Variants in SHISA9 observed in about 807,000 individuals in gnomAD.
The protein encoded by SHISA9 is protein shisa-9.
Under a neutral mutation model 38.0 loss-of-function variants are expected in SHISA9, and 13 were observed. That is an observed-to-expected ratio of 0.34 (90% confidence interval 0.22 to 0.54). SHISA9 has a LOEUF of 0.54. Among genes scored for constraint, SHISA9 ranks in the 20% least tolerant of loss-of-function variants. The pLI is 0.91. For missense variants in SHISA9, 538 were observed against 575.8 expected, an observed-to-expected ratio of 0.93 and a Z score of 0.67; for synonymous variants, 275 against 242.0, an observed-to-expected ratio of 1.14 and a Z score of -1.27.
chr16:13,061,151 G>A (rs547634869), intron 2 of SHISA9, among the ~76,000 whole-genome samples: 1 of 152,186 alleles, frequency 6.6e-6, no homozygotes, highest in Non-Finnish European at 1.5e-5. Context: ...ACACAGGAAT[G>A]CTTTTTCAGG....
chr16:13,468,198 GA>G, the SHISA9 span, among the ~76,000 whole-genome samples: 1 of 152,132 alleles, frequency 6.6e-6, no homozygotes, highest in Non-Finnish European at 1.5e-5. Context: ...TTTAAAGGGG[GA>G]AAAATAGATC....
At chr16:13,445,082 G>A in the SHISA9 span, among the ~76,000 whole-genome samples, 13 of 147,342 alleles carry the variant, frequency 8.8e-5, no homozygotes, top group Non-Finnish European at 1.5e-4. Flanking sequence ...GGCTGGTCTC[G>A]AACTCCTGAG....
chr16:12,947,132 T>C (rs773272472), intron 2 of SHISA9, among the ~76,000 whole-genome samples: 2 of 152,170 alleles, frequency 1.3e-5, no homozygotes, highest in Non-Finnish European at 2.9e-5. Flanking sequence ...TACTCTGGGA[T>C]GTGGGGAAAT....
the SHISA9 span, among the ~76,000 whole-genome samples, chr16:13,324,472 A>T: frequency 6.6e-6 from 1 of 152,116 alleles, no homozygotes; most frequent in African/African-American, 2.4e-5. Flanking sequence ...CTCTAGATTA[A>T]GGCAGAGTGG....
chr16:13,486,799 G>T, the SHISA9 span, among the ~76,000 whole-genome samples: 4 of 152,192 alleles, frequency 2.6e-5, no homozygotes, highest in African/African-American at 9.7e-5. Context: ...CCATCTCCCA[G>T]GTTCAAGTGA....
chr16:13,342,145 A>C, the SHISA9 span, among the ~76,000 whole-genome samples: 1 of 152,170 alleles, frequency 6.6e-6, no homozygotes, highest in South Asian at 2.1e-4. Flanking sequence ...CCCTGATTAC[A>C]TGCTTACCCC....
At chr16:13,257,640 G>A in the SHISA9 span, among the ~76,000 whole-genome samples, 3 of 152,112 alleles carry the variant, frequency 2.0e-5, no homozygotes, top group African/African-American at 7.2e-5. Flanking sequence ...TTTAAATACC[G>A]TGGTTCTAAG....
chr16:13,453,299 T>C, the SHISA9 span, among the ~76,000 whole-genome samples: 1 of 152,362 alleles, frequency 6.6e-6, no homozygotes, highest in East Asian at 1.9e-4. Flanking sequence ...GATACATTGA[T>C]TGCATTCATG....
chr16:13,070,123 C>CGT (rs55824636), intron 2 of SHISA9, among the ~76,000 whole-genome samples: 305 of 145,800 alleles, frequency 2.1e-3, no homozygotes, highest in East Asian at 0.018. Flanking sequence ...CTTTAAAGTA[C>CGT]GTGTGTGTGT....
intron 2 of SHISA9, among the ~76,000 whole-genome samples, chr16:13,028,963 A>G (rs1041513208): frequency 6.6e-6 from 1 of 152,160 alleles, no homozygotes; most frequent in Admixed American, 6.5e-5. Flanking sequence ...CTATTACTAG[A>G]AGACTGAGGA....
chr16:13,397,857 G>A, the SHISA9 span, among the ~76,000 whole-genome samples: 10 of 152,278 alleles, frequency 6.6e-5, no homozygotes, highest in South Asian at 2.1e-4. Context: ...TTGGTGTACC[G>A]GAAGAATGGG....
the SHISA9 span, among the ~76,000 whole-genome samples, chr16:13,514,331 T>TA: frequency 4.0e-5 from 6 of 151,710 alleles, no homozygotes; most frequent in East Asian, 1.2e-3. Flanking sequence ...AGAAAAAATT[T>TA]AAAAAAAGAA....
intron 2 of SHISA9, among the ~76,000 whole-genome samples, chr16:13,121,030 G>T (rs1193554229): frequency 1.3e-5 from 2 of 152,044 alleles, no homozygotes; most frequent in Non-Finnish European, 2.9e-5. Context: ...GGGCAGTAGT[G>T]TCATAGGCGA....
the SHISA9 span, among the ~76,000 whole-genome samples, chr16:13,526,836 A>G: frequency 6.6e-6 from 1 of 152,228 alleles, no homozygotes; most frequent in African/African-American, 2.4e-5. Flanking sequence ...AAGTATTTTT[A>G]GAGCACCTCA....
the SHISA9 span, among the ~76,000 whole-genome samples, chr16:13,378,966 A>G: frequency 6.6e-6 from 1 of 152,218 alleles, no homozygotes; most frequent in Non-Finnish European, 1.5e-5. Context: ...GTAACCAACG[A>G]TGTTGTTAAA....
the SHISA9 span, among the ~76,000 whole-genome samples, chr16:13,296,028 GC>G: frequency 6.6e-6 from 1 of 152,016 alleles, no homozygotes; most frequent in African/African-American, 2.4e-5. Context: ...TGCCTTTCTT[GC>G]AAATCTGAAA....
chr16:12,957,566 T>A (rs527283604), intron 2 of SHISA9, among the ~76,000 whole-genome samples: 1 of 152,308 alleles, frequency 6.6e-6, no homozygotes, highest in East Asian at 1.9e-4. Context: ...CACACCTTTA[T>A]GACATCATCT....
intron 2 of SHISA9, among the ~76,000 whole-genome samples, chr16:12,984,055 C>G (rs1022166181): frequency 4.6e-5 from 7 of 152,068 alleles, no homozygotes; most frequent in African/African-American, 1.7e-4. Flanking sequence ...TTTTGGAGTT[C>G]TAGTCCATCT....
rs2050998618 is a variant in SHISA9, at chr16:13,200,692, G to C, written c.692-2702G>C. ...ATCCTGGGACTCTCCCATCGCAGCT[G>C]AATCTCGGCCAAAAAGCTATCGTGG... is the stretch of plus-strand genomic sequence containing the variant. On this transcript the variant is annotated intron_variant, in intron 2 of 4. Coordinates refer to ENST00000558583, the MANE Select transcript of SHISA9 (RefSeq NM_001145204.3). Among the ~76,000 whole-genome samples the C allele has an allele frequency of 2.3e-5, 2 of 85,292 alleles. 1 individual carries two copies. Among genetic ancestry groups the C allele is most frequent in the African/African-American group, 1.0e-4 (2 of 19,232 alleles). The allele number at this position is 85,292 out of a possible 152,430, so 56.0% of individuals were successfully genotyped here.
Sources: gnomAD v4.1 joint callset for allele counts (sites outside exome capture counted in the v4.1 genomes callset) on GRCh38, gnomAD v4.1.1 for gene constraint, MANE v1.5 for transcripts, NCBI Gene and HGNC (gene_info 2026-07-23, HGNC 2026-07-21) for gene names.